Variants in CLVS1 observed in about 807,000 individuals in gnomAD.
CLVS1 encodes clavesin 1.
In CLVS1, 10 loss-of-function variants were observed where a neutral mutation model predicts 33.1. That is an observed-to-expected ratio of 0.30 (90% CI 0.19 to 0.51). CLVS1 has a LOEUF of 0.51. CLVS1 is among the 20% of genes least tolerant of loss of function. CLVS1 has a pLI of 0.97. For missense variants in CLVS1, 343 were observed against 433.4 expected (o/e 0.79, Z 1.85); for synonymous variants, 163 against 166.1 (o/e 0.98, Z 0.14).
chr8:61,081,035 G>T (rs1805011408), intron 1 of CLVS1, among the ~76,000 whole-genome samples: 1 of 152,208 alleles, frequency 6.6e-6, no homozygotes, highest in Non-Finnish European at 1.5e-5. Context: ...ATCTTAGTTT[G>T]GTTGGGAGTA....
At chr8:61,001,257 G>A in the CLVS1 span, among the ~76,000 whole-genome samples, 1 of 152,172 alleles carries the variant, frequency 6.6e-6, no homozygotes, top group African/African-American at 2.4e-5. Flanking sequence ...GAGTAGCTGG[G>A]ACTACAGGTG....
At chr8:61,435,625 TAAAA>T (rs35113828) in intron 3 of CLVS1, among the ~76,000 whole-genome samples, 1 of 135,040 alleles carries the variant, frequency 7.4e-6, no homozygotes, top group Non-Finnish European at 1.6e-5. Flanking sequence ...ATTGTGATAG[TAAAA>T]AAAAAAAAAA....
In CLVS1 at chr8:61,299,698, C is replaced by T; in HGVS notation, c.-130C>T. ...TCAGTAAGCAATGGCCTCAGTTTTGCTTCTGTTTTGGATGAACACCACCAC... is the reference window on the plus strand; with the variant it reads ...TCAGTAAGCAATGGCCTCAGTTTTGTTTCTGTTTTGGATGAACACCACCAC... On this transcript the variant is annotated 5_prime_UTR_variant, in exon 2 of 6. Coordinates refer to ENST00000325897, the MANE Select transcript of CLVS1 (RefSeq NM_173519.3). 11 of 638,718 alleles carry T rather than the reference C, an allele frequency of 1.7e-5. No individual in the cohort carries two copies. In the South Asian group the frequency reaches 2.3e-4, roughly 13 times the overall value. 39.6% of individuals were successfully genotyped at this position (638,718 alleles called of 1,614,324 possible). A position where few individuals can be genotyped will look rare whatever the true frequency, so the allele number is the denominator to read the frequency against.
Position 61,442,273 on chromosome 8 carries a change from C to T in CLVS1, c.631-11868C>T, listed in dbSNP as rs116716471. Among the ~76,000 whole-genome samples, 1,026 of 152,222 alleles carry T rather than the reference C, an allele frequency of 6.7e-3. 8 individuals are homozygous for T. The highest frequency in any genetic ancestry group is 0.023 in the African/African-American group (974 of 41,526). Reference sequence around the variant, plus strand: ...TCACCCAGGTTGTTGTAGATATCGACAGTTTGTTCTTTTTTATTGCCAAGC... The same window carrying T: ...TCACCCAGGTTGTTGTAGATATCGATAGTTTGTTCTTTTTTATTGCCAAGC... On this transcript the variant is annotated intron_variant, in intron 3 of 5. Transcript: ENST00000325897.
At chr8:61,345,771 A>G (rs1812196642) in intron 2 of CLVS1, among the ~76,000 whole-genome samples, 1 of 151,842 alleles carries the variant, frequency 6.6e-6, no homozygotes, top group Non-Finnish European at 1.5e-5. Context: ...AGAGAAGAGG[A>G]AAGGTGACTG....
chr8:61,462,756 T>C (rs1045508675), intron 5 of CLVS1, among the ~76,000 whole-genome samples: 6 of 152,144 alleles, frequency 3.9e-5, no homozygotes, highest in African/African-American at 1.4e-4. Context: ...TCATTCAAGC[T>C]TCATTGTTCT....
intron 2 of CLVS1, among the ~76,000 whole-genome samples, chr8:61,222,658 T>G (rs1808240664): frequency 2.0e-5 from 3 of 152,228 alleles, no homozygotes. Context: ...TTCTGTTGAT[T>G]TGGGGTAGAG....
intron 1 of CLVS1, among the ~76,000 whole-genome samples, chr8:61,079,265 G>T (rs1804979729): frequency 6.6e-6 from 1 of 152,218 alleles, no homozygotes; most frequent in Non-Finnish European, 1.5e-5. Context: ...GGGGAGGGGT[G>T]GTTTGGTGAG....
At chr8:61,109,830 A>G (rs537249716) in intron 1 of CLVS1, among the ~76,000 whole-genome samples, 2 of 152,336 alleles carry the variant, frequency 1.3e-5, no homozygotes, top group South Asian at 2.1e-4. Context: ...ATAGTACGTT[A>G]GCACTCTCAG....
At chr8:61,177,840 G>A (rs1279872508) in intron 2 of CLVS1, among the ~76,000 whole-genome samples, 2 of 149,786 alleles carry the variant, frequency 1.3e-5, no homozygotes, top group Non-Finnish European at 3.0e-5. Context: ...CCTCATCCAA[G>A]GGTCAGCAGC....
At chr8:61,084,821 G>C (rs376925049) in intron 1 of CLVS1, among the ~76,000 whole-genome samples, 4 of 152,212 alleles carry the variant, frequency 2.6e-5, no homozygotes, top group East Asian at 3.8e-4. Context: ...CCTAGTCATT[G>C]GGGGTAGAGA....
intron 5 of CLVS1, among the ~76,000 whole-genome samples, chr8:61,466,999 A>G (rs1421505105): frequency 6.6e-6 from 1 of 152,246 alleles, no homozygotes; most frequent in African/African-American, 2.4e-5. Flanking sequence ...CACTATCATG[A>G]TGTAACTACT....
At chr8:61,441,061 A>G (rs922305693) in intron 3 of CLVS1, among the ~76,000 whole-genome samples, 1 of 152,222 alleles carries the variant, frequency 6.6e-6, no homozygotes, top group Non-Finnish European at 1.5e-5. Flanking sequence ...GGTATAAGAG[A>G]AACCCATCAC....
At chr8:61,198,963 A>G (rs1281915992) in intron 2 of CLVS1, among the ~76,000 whole-genome samples, 1 of 152,138 alleles carries the variant, frequency 6.6e-6, no homozygotes, top group Admixed American at 6.5e-5. Flanking sequence ...TTATCCACTT[A>G]TTGGTTGACG....
At position 61,176,799 on chromosome 8, in the gene CLVS1, G is replaced by A. The variant is rs567754778; in HGVS notation, c.-152+44939G>A. ...AGCTTGCTACCCAGCCTGGGAAACC[G>A]TGCCTTTTCCACGGATCTGTGCAAC... On this transcript the variant is annotated intron_variant, in intron 2 of 2. Coordinates refer to the CLVS1 transcript ENST00000522621. Among the ~76,000 whole-genome samples, 6 of 152,254 alleles carry A rather than the reference G, an allele frequency of 3.9e-5. No homozygotes were observed. The South Asian group carries it at 1.0e-3, about 26-fold the overall frequency.
At position 61,088,875 on chromosome 8, in the gene CLVS1, C is replaced by T. The variant is rs1805177878; in HGVS notation, c.-243+31645C>T. On this transcript the variant is annotated intron_variant, in intron 1 of 2. Coordinates refer to the CLVS1 transcript ENST00000522621. ...GGAGTGCAGTGGAGAGATCTCGGCT[C>T]ACTGCAAGCTCCGCCTCCTGGGTTC... Among the ~76,000 whole-genome samples the T allele has an allele frequency of 2.6e-5, 4 of 151,288 alleles. No homozygotes were observed. In the South Asian group the frequency reaches 8.4e-4, roughly 32 times the overall value.
At chr8:61,356,698 C>T (rs1342428744) in intron 2 of CLVS1, among the ~76,000 whole-genome samples, 2 of 152,154 alleles carry the variant, frequency 1.3e-5, no homozygotes, top group South Asian at 2.1e-4. Context: ...TTGTTTTTCT[C>T]AGGTTTGTCA....
At chr8:61,030,402 A>C in the CLVS1 span, among the ~76,000 whole-genome samples, 1 of 152,082 alleles carries the variant, frequency 6.6e-6, no homozygotes, top group South Asian at 2.1e-4. Context: ...GCAAGACTAC[A>C]TTTTGCAACA....
intron 2 of CLVS1, among the ~76,000 whole-genome samples, chr8:61,225,164 A>G (rs1008349679): frequency 5.3e-5 from 8 of 152,056 alleles, no homozygotes; most frequent in Non-Finnish European, 1.0e-4. Flanking sequence ...TAAAAATACA[A>G]AAATTAGCCT....
Sources: allele counts gnomAD v4.1 joint callset (sites outside exome capture counted in the v4.1 genomes callset), GRCh38; gene constraint gnomAD v4.1.1; transcripts MANE v1.5; gene names NCBI Gene and HGNC (gene_info 2026-07-23, HGNC 2026-07-21).